The following MTMR7 variants were observed in gnomAD, a reference collection of about 807,000 sequenced individuals.
The protein encoded by MTMR7 is phosphatidylinositol-3-phosphate phosphatase MTMR7.
Under a neutral mutation model 81.2 loss-of-function variants are expected in MTMR7, and 76 were observed. That is an observed-to-expected ratio of 0.94 (90% CI 0.78 to 1.13). The LOEUF (loss-of-function observed/expected upper bound fraction) is 1.13. Ranked by LOEUF, MTMR7 falls within the 50% of genes most tolerant of loss-of-function variation. MTMR7 has a pLI of 0.00. For synonymous variants in MTMR7, 372 were observed against 289.8 expected (o/e 1.28, Z -2.88); for missense variants, 1,044 against 820.0 (o/e 1.27, Z -3.34).
intron 1 of MTMR7, among the ~76,000 whole-genome samples, chr8:17,374,552 C>A (rs1336039224): frequency 6.6e-6 from 1 of 152,022 alleles, no homozygotes; most frequent in African/African-American, 2.4e-5. Flanking sequence ...ACCCAGGAGG[C>A]GGAGGTTGCA....
chr8:17,379,186 G>A (rs1050705713), intron 1 of MTMR7, among the ~76,000 whole-genome samples: 10 of 152,160 alleles, frequency 6.6e-5, no homozygotes, highest in Non-Finnish European at 1.3e-4. Context: ...AGGAACATGG[G>A]GGCACTGGTG....
intron 12 of MTMR7, 112 bp from the exon 13 acceptor site, chr8:17,302,392 A>C: frequency 8.0e-7 from 1 of 1,253,546 alleles, no homozygotes. Flanking sequence ...AACCAAATGC[A>C]AATTTCAGCC....
intron 1 of MTMR7, among the ~76,000 whole-genome samples, chr8:17,394,075 G>A (rs1340207843): frequency 2.0e-5 from 3 of 152,128 alleles, no homozygotes; most frequent in Admixed American, 6.5e-5. Flanking sequence ...TGGAGATACT[G>A]GAACCCTCAT....
chr8:17,327,074 G>T (rs1479061101), intron 7 of MTMR7, among the ~76,000 whole-genome samples: 6 of 152,048 alleles, frequency 3.9e-5, no homozygotes. Context: ...TTTACGACCT[G>T]AATTTTTTGC....
intron 1 of MTMR7, among the ~76,000 whole-genome samples, chr8:17,407,119 T>C (rs1242547357): frequency 6.6e-6 from 1 of 152,060 alleles, no homozygotes; most frequent in Non-Finnish European, 1.5e-5. Context: ...GCTAGGTAAA[T>C]TATACTTCAA....
rs546028800 is a variant in MTMR7 at position 17,400,981 on chromosome 8, G to A, written c.24+12288C>T. 2.4e-4 allele frequency among the ~76,000 whole-genome samples: 37 copies of A among 152,260 alleles called. No individual in the cohort carries two copies. The East Asian group carries it at 3.3e-3, about 14-fold the overall frequency. ...GGTGGTCTTGCATGGAGGCTTGGGT[G>A]TACAGAACACACGGTCTGTTATAGA... On this transcript the variant is annotated intron_variant, in intron 1 of 13. Coordinates refer to ENST00000180173, the MANE Select transcript of MTMR7 (RefSeq NM_004686.5).
chr8:17,360,099 T>C (rs570232665), intron 4 of MTMR7, among the ~76,000 whole-genome samples: 8 of 152,330 alleles, frequency 5.3e-5, no homozygotes, highest in Admixed American at 4.6e-4. Flanking sequence ...TAGGTAATAC[T>C]ATGCAGTGTT....
chr8:17,404,129 C>G (rs1422875512), intron 1 of MTMR7, among the ~76,000 whole-genome samples: 1 of 152,010 alleles, frequency 6.6e-6, no homozygotes, highest in African/African-American at 2.4e-5. Flanking sequence ...CAAAAATAAA[C>G]TGGTGGGGGA....
In MTMR7 at chr8:17,373,148, T is replaced by C. The variant is rs769078987; in HGVS notation, c.117A>G (p.Glu39=). ...YLTATHVIFV[E]NSPDPRKETW... is the part of the protein sequence containing the mutation. ...TTTCTTTTCTTGGGTCAGGTGAATTTTCCACGAATATGACATGGGTAGCCG... is the reference window on the plus strand; with the variant it reads ...TTTCTTTTCTTGGGTCAGGTGAATTCTCCACGAATATGACATGGGTAGCCG... The change falls in exon 2 of 14, where the codon GAA becomes GAG. Residue 39 remains glutamate (E), a synonymous_variant. Coordinates refer to ENST00000180173, the MANE Select transcript of MTMR7 (RefSeq NM_004686.5). 14 of 1,613,860 alleles carry C rather than the reference T, an allele frequency of 8.7e-6. No individual in the cohort carries two copies. Among genetic ancestry groups the C allele is most frequent in the Non-Finnish European group, 1.2e-5 (14 of 1,179,846 alleles).
chr8:17,396,239 A>C (rs1422178164), intron 1 of MTMR7, among the ~76,000 whole-genome samples: 1 of 152,102 alleles, frequency 6.6e-6, no homozygotes, highest in Admixed American at 6.6e-5. Flanking sequence ...ACTACACACA[A>C]AAAAGCACCA....
intron 1 of MTMR7, among the ~76,000 whole-genome samples, chr8:17,402,803 T>C (rs1005995348): frequency 5.3e-5 from 8 of 152,222 alleles, no homozygotes; most frequent in African/African-American, 1.9e-4. Context: ...CTGTTTTTAG[T>C]TTTTTGAGGA....
In MTMR7 at chr8:17,300,223, C is replaced by G; in HGVS notation, c.1622G>C (p.Arg541Thr). Residue 541 changes from arginine to threonine, a missense_variant and splice_region_variant, in exon 14 of 14, where the codon AGG becomes ACG. Transcript: ENST00000180173. ...LEEELEALEE[R>T]LEKIQKVQLN... ...CTGGACCTTTTGAATTTTTTCCAGCCTCTAAGAAAGAAATAACAATTTCAG... is the reference window on the plus strand; with the variant it reads ...CTGGACCTTTTGAATTTTTTCCAGCGTCTAAGAAAGAAATAACAATTTCAG... 2 of 1,597,422 alleles carry G rather than the reference C, an allele frequency of 1.3e-6. No individual in the cohort carries two copies. The highest frequency in any genetic ancestry group is 1.3e-5 in the African/African-American group (1 of 74,090).
intron 1 of MTMR7, among the ~76,000 whole-genome samples, chr8:17,398,325 T>G (rs1286236597): frequency 6.6e-6 from 1 of 152,172 alleles, no homozygotes; most frequent in African/African-American, 2.4e-5. Flanking sequence ...CTCAAAATTC[T>G]ACCAGATGAA....
intron 10 of MTMR7, among the ~76,000 whole-genome samples, chr8:17,307,699 T>C (rs1586147685): frequency 1.3e-5 from 2 of 152,206 alleles, no homozygotes; most frequent in African/African-American, 4.8e-5. Context: ...TGGAATATTA[T>C]GCAGCCATAA....
intron 3 of MTMR7, among the ~76,000 whole-genome samples, chr8:17,370,190 T>C (rs1445232203): frequency 6.6e-6 from 1 of 151,706 alleles, no homozygotes; most frequent in Admixed American, 6.6e-5. Context: ...CTGATGCTAG[T>C]CTAGTTGTAT....
chr8:17,308,542 C>G (rs1016335487), intron 10 of MTMR7, among the ~76,000 whole-genome samples: 1 of 152,166 alleles, frequency 6.6e-6, no homozygotes, highest in Non-Finnish European at 1.5e-5. Context: ...AGTAAAACTT[C>G]TGAAAATATA....
At chr8:17,332,723 C>T (rs1467301782) in intron 6 of MTMR7, among the ~76,000 whole-genome samples, 1 of 152,184 alleles carries the variant, frequency 6.6e-6, no homozygotes, top group Admixed American at 6.5e-5. Flanking sequence ...GTCAGAGACC[C>T]TCTGTGCATA....
At chr8:17,359,034 C>G (rs549172708) in intron 4 of MTMR7, among the ~76,000 whole-genome samples, 1 of 152,192 alleles carries the variant, frequency 6.6e-6, no homozygotes, top group African/African-American at 2.4e-5. Context: ...GCTGGGACTA[C>G]AGGTGCACAC....
Position 17,299,429 on chromosome 8 carries a change from G to T in MTMR7, c.*433C>A. The stretch of plus-strand genomic sequence containing the variant: ...AAATATGTATAAGAGGGTCGGAAAG[G>T]AGGATAATGTCAGATGCTTTAGAAA... On this transcript the variant is annotated 3_prime_UTR_variant, in exon 14 of 14. Coordinates refer to ENST00000180173, the MANE Select transcript of MTMR7 (RefSeq NM_004686.5). The T allele has an allele frequency of 6.2e-6, 1 of 161,016 alleles. No homozygotes were observed. The highest frequency in any genetic ancestry group is 1.4e-5 in the Non-Finnish European group (1 of 72,786). 10.0% of individuals were successfully genotyped at this position (161,016 alleles called of 1,614,324 possible).
Sources: gnomAD v4.1 joint callset for allele counts (sites outside exome capture counted in the v4.1 genomes callset) on GRCh38, gnomAD v4.1.1 for gene constraint, MANE v1.5 for transcripts, NCBI Gene and HGNC (gene_info 2026-07-23, HGNC 2026-07-21) for gene names.